QTMAN: variants seen among roughly 807,000 people sequenced by gnomAD.
QTMAN encodes the protein queuosine-tRNA mannosyltransferase.
the QTMAN span, among the ~76,000 whole-genome samples, chr2:144,179,309 A>T: frequency 6.6e-6 from 1 of 152,166 alleles, no homozygotes; most frequent in African/African-American, 2.4e-5. Context: ...CTTTGCACAA[A>T]TAACTTAATC....
chr2:143,966,855 T>C, the QTMAN span, among the ~76,000 whole-genome samples: 1 of 152,260 alleles, frequency 6.6e-6, no homozygotes, highest in African/African-American at 2.4e-5. Context: ...AATTTAGTGA[T>C]GATTGTTTGC....
the QTMAN span, among the ~76,000 whole-genome samples, chr2:144,181,541 G>T: frequency 2.0e-5 from 3 of 152,192 alleles, no homozygotes; most frequent in African/African-American, 4.8e-5. Context: ...GGCCAGGCAT[G>T]GTGTCTCATG....
At chr2:143,957,197 T>G in the QTMAN span, 10 of 1,585,666 alleles carry the variant, frequency 6.3e-6, no homozygotes, top group Non-Finnish European at 7.7e-6. Flanking sequence ...GAACTTACAT[T>G]GCCACTCCAA....
At chr2:144,332,614 C>G in the QTMAN span, 1 of 150,690 alleles carries the variant, frequency 6.6e-6, no homozygotes, top group South Asian at 2.1e-4. Flanking sequence ...TCGGCCCGCC[C>G]GCGCAATCGA....
the QTMAN span, among the ~76,000 whole-genome samples, chr2:144,098,161 G>C: frequency 2.6e-5 from 4 of 152,182 alleles, no homozygotes; most frequent in Non-Finnish European, 4.4e-5. Flanking sequence ...AGTTTATTCT[G>C]AGGCATTCTG....
At chr2:143,950,720 TTTGA>T in the QTMAN span, among the ~76,000 whole-genome samples, 1 of 151,656 alleles carries the variant, frequency 6.6e-6, no homozygotes, top group African/African-American at 2.4e-5. Flanking sequence ...TGGGAAACTA[TTTGA>T]TTGATATTTC....
chr2:144,202,493 T>C, the QTMAN span, among the ~76,000 whole-genome samples: 1 of 152,200 alleles, frequency 6.6e-6, no homozygotes. Flanking sequence ...TGCTCTAAAA[T>C]CAGACTAATA....
chr2:144,063,952 T>C, the QTMAN span, among the ~76,000 whole-genome samples: 1 of 152,210 alleles, frequency 6.6e-6, no homozygotes, highest in Non-Finnish European at 1.5e-5. Flanking sequence ...ATTAAAACGT[T>C]TCTGAGTCCT....
chr2:144,084,224 C>T, the QTMAN span, among the ~76,000 whole-genome samples: 1 of 152,202 alleles, frequency 6.6e-6, no homozygotes, highest in Non-Finnish European at 1.5e-5. Flanking sequence ...GGGCAACCAG[C>T]TGGTATATCC....
At chr2:144,179,720 A>G in the QTMAN span, among the ~76,000 whole-genome samples, 2 of 152,184 alleles carry the variant, frequency 1.3e-5, no homozygotes, top group Admixed American at 6.6e-5. Flanking sequence ...CAAGAAGTAT[A>G]GTTAGGTCAC....
At chr2:144,222,878 G>A in the QTMAN span, among the ~76,000 whole-genome samples, 2 of 152,118 alleles carry the variant, frequency 1.3e-5, no homozygotes, top group Admixed American at 6.6e-5. Flanking sequence ...GTTAAAAAAC[G>A]GAGCGAGGAC....
chr2:144,145,756 T>C, the QTMAN span: 4 of 1,602,008 alleles, frequency 2.5e-6, no homozygotes, highest in Non-Finnish European at 2.6e-6. Context: ...AACAAGAAAA[T>C]TGGGGTTTAC....
At chr2:144,032,084 G>A in the QTMAN span, among the ~76,000 whole-genome samples, 2 of 152,096 alleles carry the variant, frequency 1.3e-5, no homozygotes, top group African/African-American at 4.8e-5. Context: ...CTCCGGGCCT[G>A]GGGGTATGAT....
chr2:144,031,900 G>C, the QTMAN span, among the ~76,000 whole-genome samples: 1 of 152,048 alleles, frequency 6.6e-6, no homozygotes. Flanking sequence ...GGGACTACAG[G>C]CATGCGCCAC....
the QTMAN span, among the ~76,000 whole-genome samples, chr2:144,203,186 TGTGTGC>T: frequency 6.9e-6 from 1 of 145,700 alleles, no homozygotes; most frequent in African/African-American, 2.6e-5. Flanking sequence ...TGTGTGTGTG[TGTGTGC>T]ACGTGCGCAC....
At chr2:144,093,434 T>C in the QTMAN span, among the ~76,000 whole-genome samples, 2 of 152,214 alleles carry the variant, frequency 1.3e-5, no homozygotes, top group African/African-American at 2.4e-5. Context: ...ATCTTGGGAA[T>C]TGGTGTTCTT....
At chr2:143,988,503 T>C in the QTMAN span, among the ~76,000 whole-genome samples, 2 of 152,232 alleles carry the variant, frequency 1.3e-5, no homozygotes, top group Admixed American at 6.5e-5. Context: ...GCAGCAAATA[T>C]GTATACAGGA....
At chr2:144,193,665 T>G in the QTMAN span, among the ~76,000 whole-genome samples, 7 of 151,772 alleles carry the variant, frequency 4.6e-5, no homozygotes, top group Non-Finnish European at 1.0e-4. Flanking sequence ...GAACTACAGG[T>G]GCACACCACA....
At chr2:144,096,767 A>G in the QTMAN span, among the ~76,000 whole-genome samples, 2 of 152,252 alleles carry the variant, frequency 1.3e-5, no homozygotes, top group African/African-American at 4.8e-5. Context: ...GCTGAAATAC[A>G]CAAATGTCAG....
Sources: gnomAD v4.1 joint callset for allele counts (sites outside exome capture counted in the v4.1 genomes callset) on GRCh38, gnomAD v4.1.1 for gene constraint, MANE v1.5 for transcripts, NCBI Gene and HGNC (gene_info 2026-07-23, HGNC 2026-07-21) for gene names.